The following HLCS variants were observed in gnomAD, a reference collection of about 807,000 sequenced individuals.
HLCS encodes biotin--protein ligase.
HLCS carries 53 observed loss-of-function variants against 75.0 expected under a neutral mutation model. That is an observed-to-expected ratio of 0.71 (90% CI 0.57 to 0.89). The LOEUF (loss-of-function observed/expected upper bound fraction) is 0.89, where lower values mean the gene tolerates loss of function less well. HLCS is among the 40% of genes least tolerant of loss of function. HLCS has a pLI of 0.00. For missense variants in HLCS, 966 were observed against 1,074.0 expected (o/e 0.90, Z 1.41); for synonymous variants, 431 against 428.6 (o/e 1.01, Z -0.07).
rs554088107 is a variant in HLCS at position 36,773,642 on chromosome 21, C to G, written c.1893-6357G>C. Reference sequence around the variant, plus strand: ...ACCCCCCAGTTTTCTCAGCTCTGACCCTGTTCTTAGCTTACAGAGAGACAC... The same window carrying G: ...ACCCCCCAGTTTTCTCAGCTCTGACGCTGTTCTTAGCTTACAGAGAGACAC... On this transcript the variant is annotated intron_variant, in intron 6 of 10. Transcript: ENST00000674895. Among the ~76,000 whole-genome samples, 64 of 152,282 alleles carry G rather than the reference C, an allele frequency of 4.2e-4. 1 individual carries two copies. Among genetic ancestry groups the G allele is most frequent in the African/African-American group, 1.5e-3 (63 of 41,554 alleles).
intron 6 of HLCS, among the ~76,000 whole-genome samples, chr21:36,850,681 A>G (rs562527505): frequency 6.6e-6 from 1 of 152,206 alleles, no homozygotes; most frequent in East Asian, 1.9e-4. Context: ...AGGGTTTTGG[A>G]CCGTAGCCAC....
intron 5 of HLCS, among the ~76,000 whole-genome samples, chr21:36,918,400 T>C (rs2066022266): frequency 6.6e-6 from 1 of 152,158 alleles, no homozygotes; most frequent in African/African-American, 2.4e-5. Context: ...GCAGAGAGGG[T>C]AAGAAGGAGA....
chr21:36,987,880 C>A lies in HLCS; in HGVS notation c.-393+2278G>T, dbSNP rs147778888. Among the ~76,000 whole-genome samples, 9 of 152,292 alleles carry A rather than the reference C, an allele frequency of 5.9e-5. No homozygotes were observed. The East Asian group carries it at 1.5e-3, about 26-fold the overall frequency. ...TCAGAATTGCTATACCAGATCACTACCAACTAAGTGAAGTACAAAATTTCT... is the reference window on the plus strand; with the variant it reads ...TCAGAATTGCTATACCAGATCACTAACAACTAAGTGAAGTACAAAATTTCT... On this transcript the variant is annotated intron_variant, in intron 1 of 11. Coordinates refer to the HLCS transcript ENST00000336648.
At position 36,751,513 on chromosome 21, in the gene HLCS, C is replaced by A. The variant is rs1199841139; in HGVS notation, c.*2733G>T. ...GTATATGCTGTGCCTTGGGGGACCCCCAGAGGCTGCGCTCTGTGGCCTGTG... is the reference window on the plus strand; with the variant it reads ...GTATATGCTGTGCCTTGGGGGACCCACAGAGGCTGCGCTCTGTGGCCTGTG... On this transcript the variant is annotated 3_prime_UTR_variant, in exon 11 of 11. Coordinates refer to ENST00000674895, the MANE Select transcript of HLCS (RefSeq NM_001352514.2). 1 of 152,180 alleles carries A rather than the reference C, an allele frequency of 6.6e-6. No individual in the cohort carries two copies. Among genetic ancestry groups the A allele is most frequent in the African/African-American group, 2.4e-5 (1 of 41,324 alleles). 9.4% of individuals were successfully genotyped at this position (152,180 alleles called of 1,614,324 possible). A position where few individuals can be genotyped will look rare whatever the true frequency, so the allele number is the denominator to read the frequency against.
At chr21:36,986,252 A>G (rs1303184759) in intron 1 of HLCS, among the ~76,000 whole-genome samples, 3 of 152,146 alleles carry the variant, frequency 2.0e-5, no homozygotes, top group Non-Finnish European at 2.9e-5. Flanking sequence ...TGGCTCCTCA[A>G]TCTTGGACTT....
intron 6 of HLCS, among the ~76,000 whole-genome samples, chr21:36,894,471 A>C (rs1013821683): frequency 6.6e-6 from 1 of 152,170 alleles, no homozygotes. Context: ...TCTCCTTAAA[A>C]AGGCAACTGC....
intron 1 of HLCS, among the ~76,000 whole-genome samples, chr21:36,973,166 G>A (rs1304992146): frequency 1.3e-5 from 2 of 151,588 alleles, no homozygotes; most frequent in African/African-American, 4.8e-5. Flanking sequence ...GAAGGTCAAG[G>A]CTTCAGTGAG....
At chr21:36,852,268 A>T (rs1238523784) in intron 6 of HLCS, among the ~76,000 whole-genome samples, 1 of 152,224 alleles carries the variant, frequency 6.6e-6, no homozygotes, top group African/African-American at 2.4e-5. Flanking sequence ...TGACTTGTTG[A>T]CTTCTTTACA....
At chr21:36,764,650 A>G (rs1288750169) in intron 8 of HLCS, among the ~76,000 whole-genome samples, 13 of 152,202 alleles carry the variant, frequency 8.5e-5, no homozygotes. Context: ...GGTTGCAGTG[A>G]GCCGAGATAG....
At chr21:36,935,164 G>A (rs910317189) in intron 4 of HLCS, among the ~76,000 whole-genome samples, 3 of 152,198 alleles carry the variant, frequency 2.0e-5, no homozygotes, top group African/African-American at 7.2e-5. Context: ...GGGTTTTTAA[G>A]TGGATTTTCT....
intron 8 of HLCS, among the ~76,000 whole-genome samples, chr21:36,762,390 C>T (rs1360749478): frequency 6.6e-6 from 1 of 151,728 alleles, no homozygotes; most frequent in Non-Finnish European, 1.5e-5. Context: ...GTGCGGGGCC[C>T]GGGGGGACTT....
intron 4 of HLCS, among the ~76,000 whole-genome samples, chr21:36,930,944 A>G (rs978365921): frequency 7.9e-5 from 12 of 152,326 alleles, no homozygotes; most frequent in Admixed American, 2.6e-4. Flanking sequence ...TTCCACACTC[A>G]TCAGTCATAT....
At chr21:36,879,971 T>C (rs543230013) in intron 6 of HLCS, among the ~76,000 whole-genome samples, 2 of 151,298 alleles carry the variant, frequency 1.3e-5, no homozygotes, top group Non-Finnish European at 2.9e-5. Flanking sequence ...GGTAGGAAAT[T>C]GCCCAGTATC....
intron 6 of HLCS, among the ~76,000 whole-genome samples, chr21:36,892,302 A>G (rs1158219369): frequency 1.3e-5 from 2 of 152,194 alleles, no homozygotes; most frequent in Non-Finnish European, 2.9e-5. Flanking sequence ...CATGACTCCA[A>G]AAGATCCCAG....
chr21:36,815,026 GC>G, intron 6 of HLCS, among the ~76,000 whole-genome samples: 1 of 147,048 alleles, frequency 6.8e-6, no homozygotes, highest in Non-Finnish European at 1.5e-5. Flanking sequence ...ATGAAGCTTT[GC>G]TTTTTTTTTT....
intron 6 of HLCS, among the ~76,000 whole-genome samples, chr21:36,852,320 G>T (rs986374209): frequency 6.6e-6 from 1 of 152,192 alleles, no homozygotes; most frequent in Non-Finnish European, 1.5e-5. Flanking sequence ...TAACTGATGA[G>T]ATAAGCTGGA....
intron 1 of HLCS, among the ~76,000 whole-genome samples, chr21:36,987,365 C>A (rs2069246998): frequency 6.6e-6 from 1 of 152,206 alleles, no homozygotes; most frequent in Non-Finnish European, 1.5e-5. Flanking sequence ...GTAATCCCAG[C>A]ACTTTGTGAG....
intron 4 of HLCS, among the ~76,000 whole-genome samples, chr21:36,934,082 C>T (rs1013804923): frequency 3.9e-5 from 6 of 152,158 alleles, no homozygotes; most frequent in Admixed American, 3.9e-4. Context: ...AAATGGCACA[C>T]CGGAGTGTGT....
intron 2 of HLCS, among the ~76,000 whole-genome samples, chr21:36,952,594 C>T (rs950910567): frequency 6.6e-6 from 1 of 152,020 alleles, no homozygotes; most frequent in East Asian, 1.9e-4. Context: ...GAGATGGAGA[C>T]CATCCTGGCC....
Sources: allele counts gnomAD v4.1 joint callset (sites outside exome capture counted in the v4.1 genomes callset), GRCh38; gene constraint gnomAD v4.1.1; transcripts MANE v1.5; gene names NCBI Gene and HGNC (gene_info 2026-07-23, HGNC 2026-07-21).